Variants in PRUNE2 observed in about 807,000 individuals in gnomAD.
PRUNE2 encodes protein prune homolog 2.
PRUNE2 carries 164 observed loss-of-function variants against 252.0 expected under a neutral mutation model. The observed-to-expected ratio is 0.65, with a 90% CI of 0.57 to 0.74. PRUNE2 has a LOEUF of 0.74. PRUNE2 is among the 30% of genes least tolerant of loss of function. The pLI is 0.00. For synonymous variants in PRUNE2, 1,292 were observed against 1,350.2 expected (o/e 0.96, Z 0.94); for missense variants, 3,495 against 3,711.0 (o/e 0.94, Z 1.51).
At chr9:76,663,299 A>G (rs1259486714) in intron 9 of PRUNE2, among the ~76,000 whole-genome samples, 2 of 152,224 alleles carry the variant, frequency 1.3e-5, no homozygotes, top group Non-Finnish European at 2.9e-5. Context: ...GTGGCCAGGC[A>G]GGGAGAAGCA....
chr9:76,791,179 T>C (rs1042684554), intron 6 of PRUNE2, among the ~76,000 whole-genome samples: 2 of 152,156 alleles, frequency 1.3e-5, no homozygotes. Context: ...CTACATACTG[T>C]AATATACTGT....
intron 4 of PRUNE2, among the ~76,000 whole-genome samples, chr9:76,830,743 T>G (rs368796809): frequency 1.3e-5 from 2 of 150,358 alleles, no homozygotes; most frequent in South Asian, 2.1e-4. Flanking sequence ...AGGTGCCTGA[T>G]AGTAAAACTG....
At chr9:76,680,943 A>G (rs1455140628) in intron 9 of PRUNE2, among the ~76,000 whole-genome samples, 2 of 152,170 alleles carry the variant, frequency 1.3e-5, no homozygotes, top group Non-Finnish European at 2.9e-5. Flanking sequence ...TCAGGGTCCA[A>G]TCACCTCCCA....
At chr9:76,624,431 T>C in intron 17 of PRUNE2, 21 bp downstream of exon 17, 1 of 1,411,624 alleles carries the variant, frequency 7.1e-7, no homozygotes, top group Non-Finnish European at 9.3e-7. Flanking sequence ...TGCCAGCCGC[T>C]AAACGAAAAC....
At chr9:76,643,789 G>A (rs1791044630) in intron 12 of PRUNE2, among the ~76,000 whole-genome samples, 1 of 152,186 alleles carries the variant, frequency 6.6e-6, no homozygotes, top group South Asian at 2.1e-4. Context: ...AAAATCTGCT[G>A]GCGGAGAAAG....
At chr9:76,615,113 T>C (rs1206365824) in intron 18 of PRUNE2, 1 of 985,828 alleles carries the variant, frequency 1.0e-6, no homozygotes, top group East Asian at 1.1e-4. Flanking sequence ...GAGATGGATG[T>C]TTATAACTAA....
At position 76,642,807 on chromosome 9, in the gene PRUNE2, T is replaced by TCA. The variant is rs530850035; in HGVS notation, c.8728+1930_8728+1931dup. On this transcript the variant is annotated intron_variant, in intron 12 of 18. Transcript: ENST00000376718. ...TTTACCTACAGAGCACAAAAGCTGT[T>TCA]CAGGGTGTAGGAAAAGGTGGCATCT... Among the ~76,000 whole-genome samples the TCA allele has an allele frequency of 5.9e-4, 90 of 152,292 alleles. 2 individuals are homozygous for TCA. The highest frequency in any genetic ancestry group is 1.9e-3 in the Admixed American group (29 of 15,302).
At chr9:76,796,177 T>C (rs1380643678) in intron 6 of PRUNE2, among the ~76,000 whole-genome samples, 2 of 152,236 alleles carry the variant, frequency 1.3e-5, no homozygotes, top group African/African-American at 4.8e-5. Flanking sequence ...CACAGCACTC[T>C]TCTATTAGCA....
chr9:76,833,921 G>A (rs1174135933), intron 4 of PRUNE2, among the ~76,000 whole-genome samples: 6 of 144,644 alleles, frequency 4.1e-5, no homozygotes, highest in African/African-American at 5.1e-5. Flanking sequence ...TTGCTTGGTC[G>A]CCCAGGCCGG....
intron 7 of PRUNE2, among the ~76,000 whole-genome samples, chr9:76,713,130 G>A (rs899974641): frequency 6.6e-6 from 1 of 151,676 alleles, no homozygotes; most frequent in Admixed American, 6.6e-5. Context: ...TATCAACCTG[G>A]AGGATAACTG....
chr9:76,630,821 C>T (rs1000216593), intron 15 of PRUNE2, among the ~76,000 whole-genome samples: 3 of 152,180 alleles, frequency 2.0e-5, no homozygotes, highest in African/African-American at 4.8e-5. Flanking sequence ...CCTCTGCACC[C>T]GGCCTGCATT....
intron 6 of PRUNE2, among the ~76,000 whole-genome samples, chr9:76,801,021 C>T (rs970261484): frequency 6.6e-6 from 1 of 152,146 alleles, no homozygotes; most frequent in Non-Finnish European, 1.5e-5. Flanking sequence ...TTTTCCTTAC[C>T]AGTCAAACGC....
chr9:76,735,761 T>C (rs1487866238), intron 6 of PRUNE2, among the ~76,000 whole-genome samples: 2 of 152,240 alleles, frequency 1.3e-5, no homozygotes, highest in African/African-American at 2.4e-5. Flanking sequence ...ATAATCTTAA[T>C]TGATGTTCAC....
chr9:76,797,688 G>T (rs567331214), intron 6 of PRUNE2, among the ~76,000 whole-genome samples: 1 of 102,934 alleles, frequency 9.7e-6, no homozygotes, highest in African/African-American at 3.7e-5. Flanking sequence ...CCTGCCCCCC[G>T]CAACCAAGTA....
At chr9:76,638,049 T>C in intron 13 of PRUNE2, 137 bp downstream of exon 13, 2 of 635,036 alleles carry the variant, frequency 3.1e-6, no homozygotes, top group Non-Finnish European at 5.6e-6. Flanking sequence ...CAACATTCCT[T>C]GACAGAAACC....
chr9:76,862,566 C>T (rs1009435877), intron 1 of PRUNE2: 7 of 152,140 alleles, frequency 4.6e-5, no homozygotes, highest in African/African-American at 1.4e-4. Context: ...AAATGATAAA[C>T]ATCAAAGGCA....
At chr9:76,666,153 T>C (rs2040109558) in intron 9 of PRUNE2, among the ~76,000 whole-genome samples, 1 of 152,142 alleles carries the variant, frequency 6.6e-6, no homozygotes, top group African/African-American at 2.4e-5. Flanking sequence ...GAGGGCTCCT[T>C]GGTCTAGCGG....
chr9:76,846,663 T>C lies in PRUNE2; in HGVS notation c.360A>G (p.Leu120=), dbSNP rs1302949888. The C allele has an allele frequency of 1.9e-6, 3 of 1,613,882 alleles. No individual in the cohort carries two copies. Among genetic ancestry groups the C allele is most frequent in the Non-Finnish European group, 2.5e-6 (3 of 1,179,794 alleles). ...SSVLASEDKT[L]ESAVVKVINP... is the part of the protein sequence containing the mutation. The stretch of plus-strand genomic sequence containing the variant: ...TAATGACTTTGACAACTGCTGATTC[T>C]AAAGTTTTGTCTTCACTGTAAAGCA... The change falls in exon 4 of 19, where the codon TTA becomes TTG. Residue 120 remains leucine (L), a synonymous_variant. Coordinates refer to ENST00000376718, the MANE Select transcript of PRUNE2 (RefSeq NM_015225.3).
intron 6 of PRUNE2, among the ~76,000 whole-genome samples, chr9:76,793,630 T>C (rs989348516): frequency 1.3e-5 from 2 of 152,184 alleles, no homozygotes; most frequent in African/African-American, 4.8e-5. Flanking sequence ...TTTGCTCAAC[T>C]ACATATCACC....
Sources: allele counts gnomAD v4.1 joint callset (sites outside exome capture counted in the v4.1 genomes callset), GRCh38; gene constraint gnomAD v4.1.1; transcripts MANE v1.5; gene names NCBI Gene and HGNC (gene_info 2026-07-23, HGNC 2026-07-21).